Variants in POU6F2 observed in about 807,000 individuals in gnomAD.
POU6F2 encodes the protein POU domain, class 6, transcription factor 2.
A neutral mutation model predicts 71.3 loss-of-function variants in POU6F2; 31 were observed. The ratio of observed to expected loss-of-function variants is 0.43; its 90% CI spans 0.33 to 0.59. The LOEUF is 0.59. Ranked by LOEUF, POU6F2 falls within the 20% of genes least tolerant of loss-of-function variation. POU6F2 has a pLI of 0.04. For synonymous variants in POU6F2, 347 were observed against 355.7 expected (o/e 0.98, Z 0.27); for missense variants, 783 against 856.8 (o/e 0.91, Z 1.07).
intron 2 of POU6F2, among the ~76,000 whole-genome samples, chr7:39,144,180 TCTC>T (rs754578399): frequency 4.9e-4 from 74 of 152,256 alleles, no homozygotes; most frequent in Non-Finnish European, 7.6e-4. Context: ...AACTACTGTA[TCTC>T]CTTGCTTCTG....
At chr7:39,058,515 C>T (rs924018523) in intron 1 of POU6F2, among the ~76,000 whole-genome samples, 7 of 152,122 alleles carry the variant, frequency 4.6e-5, no homozygotes, top group Admixed American at 6.5e-5. Flanking sequence ...TATACATTTC[C>T]GCTAGAATTT....
At chr7:39,304,388 A>G (rs1237055595) in intron 4 of POU6F2, among the ~76,000 whole-genome samples, 1 of 152,166 alleles carries the variant, frequency 6.6e-6, no homozygotes, top group Admixed American at 6.5e-5. Flanking sequence ...GGACGTCTGA[A>G]CAATTCGGTA....
chr7:39,418,965 G>A (rs1034073300), intron 6 of POU6F2, among the ~76,000 whole-genome samples: 33,861 of 131,858 alleles, frequency 0.26, 4,608 homozygotes, highest in East Asian at 0.49. Context: ...GTATATATAT[G>A]TGTATATATG....
At chr7:39,289,756 C>T (rs1176317809) in intron 4 of POU6F2, among the ~76,000 whole-genome samples, 1 of 152,172 alleles carries the variant, frequency 6.6e-6, no homozygotes, top group African/African-American at 2.4e-5. Flanking sequence ...AAAACAAATA[C>T]CCTAGCCCCA....
At chr7:39,372,366 T>A (rs2115757857) in intron 5 of POU6F2, among the ~76,000 whole-genome samples, 1 of 152,390 alleles carries the variant, frequency 6.6e-6, no homozygotes, top group African/African-American at 2.4e-5. Context: ...TTGGGGGACA[T>A]GTATTAGTCA....
intron 4 of POU6F2, among the ~76,000 whole-genome samples, chr7:39,217,274 T>A (rs900346658): frequency 6.7e-6 from 1 of 150,262 alleles, no homozygotes; most frequent in Non-Finnish European, 1.5e-5. Flanking sequence ...TTAATATTAA[T>A]AAAATTGTCT....
chr7:39,091,923 T>TC (rs1318499631), intron 2 of POU6F2, among the ~76,000 whole-genome samples: 3 of 152,150 alleles, frequency 2.0e-5, no homozygotes, highest in African/African-American at 7.2e-5. Context: ...TGCTGGTTTA[T>TC]ATTTGGGGAT....
At chr7:39,237,478 G>A (rs1794695013) in intron 4 of POU6F2, among the ~76,000 whole-genome samples, 1 of 152,160 alleles carries the variant, frequency 6.6e-6, no homozygotes, top group African/African-American at 2.4e-5. Flanking sequence ...CAAAGGAATT[G>A]TGAACATGAA....
intron 1 of POU6F2, among the ~76,000 whole-genome samples, chr7:38,982,923 G>A (rs1244861129): frequency 6.6e-6 from 1 of 151,952 alleles, no homozygotes; most frequent in East Asian, 1.9e-4. Flanking sequence ...TTGTTTCAGA[G>A]GTCAGTGAAG....
At chr7:39,011,015 A>G (rs1161377602) in intron 1 of POU6F2, among the ~76,000 whole-genome samples, 6 of 139,070 alleles carry the variant, frequency 4.3e-5, no homozygotes, top group African/African-American at 1.6e-4. Context: ...TTTGGGGTGG[A>G]GAGTTCTGTA....
At chr7:39,026,422 A>G (rs1393675041) in intron 1 of POU6F2, among the ~76,000 whole-genome samples, 1 of 152,122 alleles carries the variant, frequency 6.6e-6, no homozygotes, top group African/African-American at 2.4e-5. Context: ...ATGCAGCCAT[A>G]AAAAATGATG....
At chr7:39,045,699 T>C (rs1013465443) in intron 1 of POU6F2, among the ~76,000 whole-genome samples, 4 of 151,912 alleles carry the variant, frequency 2.6e-5, no homozygotes, top group Non-Finnish European at 5.9e-5. Context: ...AAATGTTTCC[T>C]TATTCCCCTC....
intron 2 of POU6F2, among the ~76,000 whole-genome samples, chr7:39,161,715 T>A (rs1793002516): frequency 6.6e-6 from 1 of 152,118 alleles, no homozygotes; most frequent in African/African-American, 2.4e-5. Flanking sequence ...AATTTTATGA[T>A]ACAAAAGCGG....
At chr7:39,319,791 G>A (rs1785347873) in intron 4 of POU6F2, among the ~76,000 whole-genome samples, 1 of 152,190 alleles carries the variant, frequency 6.6e-6, no homozygotes, top group African/African-American at 2.4e-5. Context: ...CCTTTTCTTG[G>A]TATGAAATGA....
intron 4 of POU6F2, among the ~76,000 whole-genome samples, chr7:39,330,194 A>G (rs935872401): frequency 5.9e-5 from 9 of 152,160 alleles, no homozygotes. Context: ...AACTTGATAT[A>G]TCATCTGTTC....
intron 4 of POU6F2, among the ~76,000 whole-genome samples, chr7:39,315,560 C>T (rs375952399): frequency 3.3e-5 from 5 of 152,184 alleles, no homozygotes; most frequent in African/African-American, 9.7e-5. Context: ...CTCCATCCTC[C>T]GGCAGGCAGC....
chr7:39,448,951 C>A (rs1415744449), intron 7 of POU6F2, among the ~76,000 whole-genome samples: 1 of 152,194 alleles, frequency 6.6e-6, no homozygotes, highest in Non-Finnish European at 1.5e-5. Flanking sequence ...TGTGTCCCTA[C>A]AGTATAAAAT....
intron 1 of POU6F2, among the ~76,000 whole-genome samples, chr7:38,978,390 C>G (rs1467591098): frequency 6.6e-6 from 1 of 152,096 alleles, no homozygotes; most frequent in African/African-American, 2.4e-5. Context: ...AAAGAAAGTG[C>G]GAGAAGAGAA....
Position 39,465,916 on chromosome 7 carries a change from C to T in POU6F2, c.*1230C>T, listed in dbSNP as rs1274522863. ...AAGTCTGATAGCCAAAGAAATGTCT[C>T]AAGATTTCAGTCAAATACACACATG... On this transcript the variant is annotated 3_prime_UTR_variant, in exon 10 of 10. Coordinates refer to ENST00000518318, the MANE Select transcript of POU6F2 (RefSeq NM_001370959.1). The T allele has an allele frequency of 1.3e-5, 2 of 152,218 alleles. No individual in the cohort carries two copies. The highest frequency in any genetic ancestry group is 4.8e-5 in the African/African-American group (2 of 41,450). 9.4% of individuals were successfully genotyped at this position (152,218 alleles called of 1,614,324 possible).
Sources: allele counts gnomAD v4.1 joint callset (sites outside exome capture counted in the v4.1 genomes callset), GRCh38; gene constraint gnomAD v4.1.1; transcripts MANE v1.5; gene names NCBI Gene and HGNC (gene_info 2026-07-23, HGNC 2026-07-21).